Variants in SRGAP3 observed in about 807,000 individuals in gnomAD.
SRGAP3 encodes SLIT-ROBO Rho GTPase activating protein 3.
A neutral mutation model predicts 121.1 loss-of-function variants in SRGAP3; 39 were observed. The observed-to-expected ratio is 0.32, with a 90% CI of 0.25 to 0.42. The LOEUF is 0.42. SRGAP3 is among the 10% of genes least tolerant of loss of function. SRGAP3 has a pLI of 1.00. For synonymous variants in SRGAP3, 601 were observed against 570.0 expected (o/e 1.05, Z -0.77); for missense variants, 1,213 against 1,470.6 (o/e 0.82, Z 2.86).
chr3:9,192,845 C>T (rs1039360438), intron 1 of SRGAP3: 6 of 152,196 alleles, frequency 3.9e-5, no homozygotes, highest in Admixed American at 1.3e-4. Flanking sequence ...GTTATAGTAA[C>T]TCCAGGCTCT....
At chr3:9,211,950 A>ATAGG (rs1193386788) in intron 1 of SRGAP3, among the ~76,000 whole-genome samples, 8 of 152,108 alleles carry the variant, frequency 5.3e-5, no homozygotes, top group Non-Finnish European at 1.2e-4. Context: ...TGCTGAGATT[A>ATAGG]TAGGTGTGAG....
At chr3:9,200,321 AG>A (rs1301435846) in intron 1 of SRGAP3, among the ~76,000 whole-genome samples, 1 of 152,244 alleles carries the variant, frequency 6.6e-6, no homozygotes, top group Admixed American at 6.5e-5. Context: ...ATTAATATTT[AG>A]GGGGTTGGAC....
At chr3:9,073,537 T>C (rs1165173914) in intron 4 of SRGAP3, among the ~76,000 whole-genome samples, 2 of 152,192 alleles carry the variant, frequency 1.3e-5, no homozygotes, top group Non-Finnish European at 2.9e-5. Context: ...TGGAGCAGGT[T>C]CTGCTGTTTC....
At chr3:9,027,046 G>A (rs1323119685) in intron 12 of SRGAP3, 51 bp from the exon 13 acceptor site, 7 of 1,551,542 alleles carry the variant, frequency 4.5e-6, no homozygotes, top group African/African-American at 1.4e-5. Flanking sequence ...ACCACCACAG[G>A]AAAAAGACAT....
At chr3:9,138,010 A>C (rs1949725046) in intron 1 of SRGAP3, among the ~76,000 whole-genome samples, 1 of 152,236 alleles carries the variant, frequency 6.6e-6, no homozygotes, top group Non-Finnish European at 1.5e-5. Context: ...AAATGAGAAG[A>C]GATCAGGATT....
chr3:9,135,943 G>A (rs1221512991), intron 1 of SRGAP3, among the ~76,000 whole-genome samples: 1 of 152,226 alleles, frequency 6.6e-6, no homozygotes, highest in Non-Finnish European at 1.5e-5. Context: ...GGTGGTATGC[G>A]CGTGGTGCCT....
At chr3:9,274,513 T>A (rs180861048) in intron 3 of SRGAP3, among the ~76,000 whole-genome samples, 1 of 152,328 alleles carries the variant, frequency 6.6e-6, no homozygotes, top group East Asian at 1.9e-4. Context: ...GAAGTGCCTG[T>A]GACCCCTGAA....
Position 8,990,526 on chromosome 3 carries a change from C to T in SRGAP3, c.2872G>A (p.Glu958Lys), listed in dbSNP as rs200367403. ...SLGDHKSLEAEALAEDIEKTM... is the reference protein window; with the variant it reads ...SLGDHKSLEAKALAEDIEKTM... Reference sequence around the variant, plus strand: ...CTGGCCCTTACTTCTGCCAGGGCCTCGGCCTCCAGGGACTTGTGGTCCCCT... The same window carrying T: ...CTGGCCCTTACTTCTGCCAGGGCCTTGGCCTCCAGGGACTTGTGGTCCCCT... Residue 958 changes from glutamate to lysine, a missense_variant, in exon 21 of 22, where the codon GAG (glutamate) becomes AAG (lysine). Physicochemically the swap from Glu to Lys is moderately conservative, Grantham distance 56. Transcript: ENST00000383836. 8.3e-6 allele frequency: 13 copies of T among 1,558,712 alleles called. No individual in the cohort carries two copies. Among genetic ancestry groups the T allele is most frequent in the East Asian group, 2.4e-5 (1 of 41,810 alleles).
rs1339692333 is a variant in SRGAP3, at chr3:9,172,766, C to T, written c.68-47849G>A. On this transcript the variant is annotated intron_variant, in intron 1 of 21. Transcript: ENST00000383836. ...GATCAAAACGACAAAGTGCACAGAC[C>T]CTCCACTGACAGTAACAGAGAGAGC... Among the ~76,000 whole-genome samples, 3 of 152,292 alleles carry T rather than the reference C, an allele frequency of 2.0e-5. No individual in the cohort carries two copies. The East Asian group carries it at 5.8e-4, about 29-fold the overall frequency.
At chr3:9,286,112 A>C (rs1435848409) in intron 3 of SRGAP3, among the ~76,000 whole-genome samples, 1 of 101,680 alleles carries the variant, frequency 9.8e-6, no homozygotes, top group Non-Finnish European at 2.0e-5. Context: ...ACCCTATCTC[A>C]AACACACACA....
At chr3:9,051,511 G>A (rs1945576415) in intron 9 of SRGAP3, among the ~76,000 whole-genome samples, 1 of 152,078 alleles carries the variant, frequency 6.6e-6, no homozygotes, top group African/African-American at 2.4e-5. Flanking sequence ...AAACTAACTG[G>A]TGATAAACAG....
At chr3:9,284,115 T>TA (rs766620575) in intron 3 of SRGAP3, among the ~76,000 whole-genome samples, 15 of 148,958 alleles carry the variant, frequency 1.0e-4, no homozygotes, top group South Asian at 8.6e-4. Flanking sequence ...TCTCCCGAGT[T>TA]AAAAAAAAAT....
chr3:9,037,841 G>A (rs1300374317), intron 11 of SRGAP3: 4 of 611,274 alleles, frequency 6.5e-6, no homozygotes, highest in Admixed American at 2.9e-5. Flanking sequence ...CCCCAAAAGC[G>A]CCCCTTCCAT....
At chr3:9,209,458 G>C (rs970309382) in intron 1 of SRGAP3, among the ~76,000 whole-genome samples, 6 of 152,152 alleles carry the variant, frequency 3.9e-5, no homozygotes, top group Non-Finnish European at 7.4e-5. Flanking sequence ...ATGACTATGA[G>C]AGATTTTTCA....
At chr3:9,102,486 C>T (rs986433331) in intron 3 of SRGAP3, among the ~76,000 whole-genome samples, 2 of 152,194 alleles carry the variant, frequency 1.3e-5, no homozygotes, top group African/African-American at 4.8e-5. Context: ...GTGAGGATCC[C>T]CAGTCTGACC....
chr3:9,188,801 G>A (rs1330567431), intron 1 of SRGAP3, among the ~76,000 whole-genome samples: 1 of 152,186 alleles, frequency 6.6e-6, no homozygotes, highest in Non-Finnish European at 1.5e-5. Context: ...ATTAGTGCAT[G>A]ATAATAAATG....
chr3:9,160,931 A>G (rs1247737854), intron 1 of SRGAP3, among the ~76,000 whole-genome samples: 1 of 152,226 alleles, frequency 6.6e-6, no homozygotes, highest in African/African-American at 2.4e-5. Flanking sequence ...AATAGAAAAT[A>G]ATGAGTCCAT....
intron 3 of SRGAP3, among the ~76,000 whole-genome samples, chr3:9,322,632 G>C (rs567096663): frequency 1.3e-5 from 2 of 151,920 alleles, no homozygotes; most frequent in African/African-American, 4.8e-5. Context: ...TAGGTTGCAT[G>C]CTCCTTATGA....
intron 1 of SRGAP3, among the ~76,000 whole-genome samples, chr3:9,361,155 T>C (rs968239715): frequency 2.0e-5 from 3 of 152,194 alleles, no homozygotes; most frequent in African/African-American, 7.2e-5. Flanking sequence ...TGGGCTGAAG[T>C]GCAGTGATGT....
Sources: allele counts gnomAD v4.1 joint callset (sites outside exome capture counted in the v4.1 genomes callset), GRCh38; gene constraint gnomAD v4.1.1; transcripts MANE v1.5; gene names NCBI Gene and HGNC (gene_info 2026-07-23, HGNC 2026-07-21).